Variants in SLC25A21 observed in about 807,000 individuals in gnomAD.
SLC25A21 encodes the protein solute carrier family 25 member 21.
SLC25A21 carries 47 observed loss-of-function variants against 43.8 expected under a neutral mutation model. The observed-to-expected ratio is 1.07, with a 90% CI of 0.85 to 1.37. The LOEUF is 1.37. SLC25A21 is among the 40% of genes most tolerant of loss of function. The pLI is 0.00. For missense variants in SLC25A21, 352 were observed against 350.2 expected, an observed-to-expected ratio of 1.00 and a Z score of -0.04; for synonymous variants, 131 against 121.3, an observed-to-expected ratio of 1.08 and a Z score of -0.52.
At chr14:37,124,290 CCTT>C (rs1295296070) in intron 1 of SLC25A21, among the ~76,000 whole-genome samples, 4 of 152,124 alleles carry the variant, frequency 2.6e-5, no homozygotes, top group African/African-American at 4.8e-5. Context: ...TAAGATACTT[CCTT>C]CTTATTTTAT....
chr14:36,972,812 TTTTG>T (rs1382236509), intron 1 of SLC25A21, among the ~76,000 whole-genome samples: 1 of 151,800 alleles, frequency 6.6e-6, no homozygotes, highest in Non-Finnish European at 1.5e-5. Flanking sequence ...TGTGGAACTT[TTTTG>T]TTTGTTTGGG....
chr14:37,150,599 GATCT>G (rs1035893282), intron 1 of SLC25A21, among the ~76,000 whole-genome samples: 1 of 152,180 alleles, frequency 6.6e-6, no homozygotes, highest in African/African-American at 2.4e-5. Context: ...CACACTTCTA[GATCT>G]AACTATATCT....
chr14:36,684,342 A>C (rs1882431573), intron 8 of SLC25A21, among the ~76,000 whole-genome samples: 1 of 152,224 alleles, frequency 6.6e-6, no homozygotes, highest in Non-Finnish European at 1.5e-5. Context: ...AAATGCACAT[A>C]CTTTAAATTT....
At chr14:37,092,248 A>C (rs1166347856) in intron 1 of SLC25A21, among the ~76,000 whole-genome samples, 1 of 152,178 alleles carries the variant, frequency 6.6e-6, no homozygotes, top group Non-Finnish European at 1.5e-5. Flanking sequence ...AAGCCTTTCA[A>C]ATATGTTCCT....
At chr14:37,023,636 T>G (rs955082369) in intron 1 of SLC25A21, among the ~76,000 whole-genome samples, 2 of 152,172 alleles carry the variant, frequency 1.3e-5, no homozygotes, top group African/African-American at 4.8e-5. Flanking sequence ...CCTACTTATT[T>G]GGCCTTTACA....
intron 7 of SLC25A21, among the ~76,000 whole-genome samples, chr14:36,697,738 C>CTTTT (rs757711209): frequency 1.3e-4 from 14 of 111,656 alleles, no homozygotes; most frequent in Admixed American, 5.7e-4. Flanking sequence ...GCAAGCCCTA[C>CTTTT]TTTTTTTTTT....
intron 1 of SLC25A21, among the ~76,000 whole-genome samples, chr14:37,078,483 G>A (rs6571780): frequency 0.48 from 72,932 of 151,950 alleles, 20,444 homozygotes; most frequent in African/African-American, 0.79. Flanking sequence ...CAATCACACC[G>A]AAAATCAAGG....
intron 1 of SLC25A21, among the ~76,000 whole-genome samples, chr14:36,925,270 T>C (rs1892099016): frequency 6.6e-6 from 1 of 152,162 alleles, no homozygotes. Context: ...GGTTTAAAGA[T>C]TGCAATTACA....
chr14:36,706,707 C>T (rs192096939), intron 7 of SLC25A21, among the ~76,000 whole-genome samples: 5 of 152,282 alleles, frequency 3.3e-5, no homozygotes, highest in East Asian at 3.9e-4. Context: ...TTTCTCAACA[C>T]GCACATACGG....
chr14:36,814,443 G>T (rs1888381618), intron 2 of SLC25A21, among the ~76,000 whole-genome samples: 1 of 152,104 alleles, frequency 6.6e-6, no homozygotes, highest in African/African-American at 2.4e-5. Context: ...CTAATATTCA[G>T]AATCTACAAG....
At chr14:36,779,820 G>A (rs534788983) in intron 3 of SLC25A21, among the ~76,000 whole-genome samples, 32 of 151,306 alleles carry the variant, frequency 2.1e-4, no homozygotes, top group Non-Finnish European at 4.0e-4. Flanking sequence ...CCCAGAAGTG[G>A]GATTTCTGGA....
intron 1 of SLC25A21, among the ~76,000 whole-genome samples, chr14:37,057,778 T>C (rs1961862349): frequency 6.6e-6 from 1 of 152,238 alleles, no homozygotes; most frequent in Non-Finnish European, 1.5e-5. Context: ...CTTATCAATA[T>C]GTGCCTCCTT....
At chr14:36,823,729 G>A (rs981722094) in intron 2 of SLC25A21, among the ~76,000 whole-genome samples, 2 of 152,058 alleles carry the variant, frequency 1.3e-5, no homozygotes, top group East Asian at 3.9e-4. Context: ...AAGTAATTAC[G>A]GTTTTAAAAA....
chr14:36,987,286 C>T (rs1960166458), intron 1 of SLC25A21, among the ~76,000 whole-genome samples: 2 of 152,060 alleles, frequency 1.3e-5, no homozygotes, highest in South Asian at 4.2e-4. Context: ...GAGTTAAGTT[C>T]CCTGGTCTAC....
chr14:36,878,428 TA>T (rs1344796837), intron 1 of SLC25A21, among the ~76,000 whole-genome samples: 2 of 152,204 alleles, frequency 1.3e-5, no homozygotes, highest in Non-Finnish European at 2.9e-5. Flanking sequence ...GCTGTGACTT[TA>T]ATCAGAGTTC....
intron 1 of SLC25A21, among the ~76,000 whole-genome samples, chr14:36,912,514 A>G (rs1891715748): frequency 6.6e-6 from 1 of 152,222 alleles, no homozygotes; most frequent in African/African-American, 2.4e-5. Context: ...CTATAACCTG[A>G]CTGAAGGCAT....
At chr14:36,860,638 G>A (rs1025792656) in intron 2 of SLC25A21, among the ~76,000 whole-genome samples, 1 of 152,188 alleles carries the variant, frequency 6.6e-6, no homozygotes, top group African/African-American at 2.4e-5. Context: ...GAATTCTAAC[G>A]AGTTCTCACT....
chr14:37,015,955 T>C (rs1239892149), intron 1 of SLC25A21, among the ~76,000 whole-genome samples: 2 of 151,042 alleles, frequency 1.3e-5, no homozygotes, highest in Admixed American at 6.6e-5. Context: ...CTTTGTCAGA[T>C]GAGTAGGTTG....
chr14:37,050,127 G>C (rs1320985514), intron 1 of SLC25A21, among the ~76,000 whole-genome samples: 2 of 152,176 alleles, frequency 1.3e-5, no homozygotes, highest in Non-Finnish European at 2.9e-5. Flanking sequence ...AGCTGCTACT[G>C]GGCAGGACTG....
Sources: gnomAD v4.1 joint callset for allele counts (sites outside exome capture counted in the v4.1 genomes callset) on GRCh38, gnomAD v4.1.1 for gene constraint, MANE v1.5 for transcripts, NCBI Gene and HGNC (gene_info 2026-07-23, HGNC 2026-07-21) for gene names.